Variants in ICA1L observed in about 807,000 individuals in gnomAD.
ICA1L encodes islet cell autoantigen 1 like.
In ICA1L, 50 loss-of-function variants were observed where a neutral mutation model predicts 61.3. That is an observed-to-expected ratio of 0.82 (90% CI 0.65 to 1.03). The LOEUF (loss-of-function observed/expected upper bound fraction) is 1.03. ICA1L is among the 50% of genes least tolerant of loss of function. ICA1L has a pLI of 0.00. For synonymous variants in ICA1L, 161 were observed against 191.3 expected, an observed-to-expected ratio of 0.84 and a Z score of 1.31; for missense variants, 508 against 556.7, an observed-to-expected ratio of 0.91 and a Z score of 0.88.
In ICA1L at chr2:202,819,827, A is replaced by G. The variant is rs775669878; in HGVS notation, c.432T>C (p.Asp144=). The G allele has an allele frequency of 1.5e-5, 25 of 1,614,114 alleles. No homozygotes were observed. Among genetic ancestry groups the G allele is most frequent in the Non-Finnish European group, 2.0e-5 (24 of 1,179,958 alleles). ...CCATCCGATTAATTGTCATCAAGGT[A>G]TCAGATACTGCCCTTTGACTGAATG... The part of the protein sequence containing the change: ...VATFSQRAVS[D]TLMTINRMEQ... The change falls in exon 5 of 13, where the codon GAT becomes GAC. Residue 144 remains aspartate (D), a synonymous_variant. Coordinates refer to ENST00000358299, the MANE Select transcript of ICA1L (RefSeq NM_001288622.3).
Position 202,814,727 on chromosome 2 carries a change from C to A in ICA1L, c.841G>T (p.Gly281Cys). 6.2e-7 allele frequency: 1 copy of A among 1,613,614 alleles called. No individual in the cohort carries two copies. The highest frequency in any genetic ancestry group is 8.5e-7 in the Non-Finnish European group (1 of 1,179,734). Residue 281 changes from glycine (G) to cysteine (C), a missense_variant, in exon 8 of 13, where the codon GGT (glycine) becomes TGT (cysteine). Gly to Cys is a radical substitution (Grantham distance 159). Transcript: ENST00000358299. ...SEDNKDEQIG[G>C]FLTEQLNKLV... ...TTATTGAGCTGTTCAGTAAGAAAACCGCCTATTTGTTCATCTTTATTGTCT... is the reference window on the plus strand; with the variant it reads ...TTATTGAGCTGTTCAGTAAGAAAACAGCCTATTTGTTCATCTTTATTGTCT...
At chr2:202,802,470 T>C (rs185188407) in intron 9 of ICA1L, among the ~76,000 whole-genome samples, 22 of 152,176 alleles carry the variant, frequency 1.4e-4, no homozygotes, top group Admixed American at 1.2e-3. Flanking sequence ...TTTCCAGAAC[T>C]AGTAAAAGGC....
At chr2:202,780,343 A>G (rs1692364106) in intron 12 of ICA1L, among the ~76,000 whole-genome samples, 2 of 152,184 alleles carry the variant, frequency 1.3e-5, no homozygotes, top group Non-Finnish European at 1.5e-5. Flanking sequence ...ATTTTACAGT[A>G]TGCATTTTAT....
intron 1 of ICA1L, chr2:202,870,827 T>A (rs1181464566): frequency 1.3e-5 from 2 of 152,268 alleles, no homozygotes; most frequent in Non-Finnish European, 2.9e-5. Flanking sequence ...CCACCCCCTC[T>A]ACTGGCAACG....
chr2:202,814,954 G>A (rs1693488789), intron 7 of ICA1L, among the ~76,000 whole-genome samples, 170 bp from the exon 8 acceptor site: 1 of 152,212 alleles, frequency 6.6e-6, no homozygotes, highest in Non-Finnish European at 1.5e-5. Flanking sequence ...GAGCTACTGA[G>A]CTTCATACAC....
In ICA1L at chr2:202,774,779, T is replaced by G. The variant is rs1227372264; in HGVS notation, c.*4754A>C. On this transcript the variant is annotated 3_prime_UTR_variant, in exon 13 of 13. Transcript: ENST00000358299. ...GGAAACTTGTGGCAGGGGCCACCCATATCACACTGGGCCAGGTGCTCACAG... is the reference window on the plus strand; with the variant it reads ...GGAAACTTGTGGCAGGGGCCACCCAGATCACACTGGGCCAGGTGCTCACAG... The G allele has an allele frequency of 6.5e-6, 1 of 153,824 alleles. No homozygotes were observed. Among genetic ancestry groups the G allele is most frequent in the Non-Finnish European group, 1.4e-5 (1 of 69,198 alleles). 9.5% of individuals were successfully genotyped at this position (153,824 alleles called of 1,614,324 possible). A position where few individuals can be genotyped will look rare whatever the true frequency, so the allele number is the denominator to read the frequency against.
At chr2:202,865,816 G>A (rs1027542467) in intron 1 of ICA1L, among the ~76,000 whole-genome samples, 1 of 152,032 alleles carries the variant, frequency 6.6e-6, no homozygotes, top group Non-Finnish European at 1.5e-5. Flanking sequence ...TGGTAGAGAT[G>A]GAGTCTCCCT....
intron 1 of ICA1L, 68 bp from the exon 2 acceptor site, chr2:202,829,084 C>G (rs1174327837): frequency 2.2e-6 from 3 of 1,344,708 alleles, no homozygotes; most frequent in Non-Finnish European, 3.0e-6. Flanking sequence ...CACGGTGGCT[C>G]ACGCCTGTAA....
rs545316439 is a variant in ICA1L, at chr2:202,776,378, T to C, written c.*3155A>G. 1.3e-5 allele frequency: 2 copies of C among 152,156 alleles called. No individual in the cohort carries two copies. The highest frequency in any genetic ancestry group is 2.9e-5 in the Non-Finnish European group (2 of 68,030). 9.4% of individuals were successfully genotyped at this position (152,156 alleles called of 1,614,324 possible). ...CATAAAGTATAGATATTTCTCCCCA[T>C]TTAACATAAAAAATATCTATTTTGA... On this transcript the variant is annotated 3_prime_UTR_variant, in exon 13 of 13. Coordinates refer to ENST00000358299, the MANE Select transcript of ICA1L (RefSeq NM_001288622.3).
rs546012070 is a variant in ICA1L at position 202,779,660 on chromosome 2, G to GA, written c.1334-13dup. ...GCCATTGTTGGGGGCTATTAAAAAA[G>GA]AAAAAAAATACATTAAAGAGATTCA... is the stretch of plus-strand genomic sequence containing the variant. On this transcript the variant is annotated splice_polypyrimidine_tract_variant and intron_variant, in intron 12 of 12. Coordinates refer to ENST00000358299, the MANE Select transcript of ICA1L (RefSeq NM_001288622.3). The GA allele has an allele frequency of 6.5e-5, 94 of 1,455,216 alleles. No homozygotes were observed. The highest frequency in any genetic ancestry group is 8.4e-5 in the South Asian group (7 of 83,280). The allele number at this position is 1,455,216 out of a possible 1,614,324, so 90.1% of individuals were successfully genotyped here.
intron 1 of ICA1L, among the ~76,000 whole-genome samples, chr2:202,846,910 C>T (rs1465107215): frequency 6.6e-6 from 1 of 152,178 alleles, no homozygotes; most frequent in Non-Finnish European, 1.5e-5. Flanking sequence ...TGTAAGGGAG[C>T]TGGTCTCCCC....
In ICA1L at chr2:202,829,027, C is replaced by A; in HGVS notation, c.-7-11G>T. 6.5e-7 allele frequency: 1 copy of A among 1,530,414 alleles called. No individual in the cohort carries two copies. Among genetic ancestry groups the A allele is most frequent in the South Asian group, 1.3e-5 (1 of 76,098 alleles). The allele number at this position is 1,530,414 out of a possible 1,614,324, so 94.8% of individuals were successfully genotyped here. On this transcript the variant is annotated splice_polypyrimidine_tract_variant and intron_variant, in intron 1 of 12. Transcript: ENST00000358299. ...GAATCCATGGAGTGACTACAATGAA[C>A]AGACTAAAATTAAACTTCTTTTAAA... is the stretch of plus-strand genomic sequence containing the variant.
rs139096806 is a variant in ICA1L, at chr2:202,811,747, T to G, written c.909A>C (p.Gln303His). The G allele has an allele frequency of 8.0e-4, 1,271 of 1,597,550 alleles. 10 individuals carry two copies. In the African/African-American group the frequency reaches 0.015, roughly 19 times the overall value. ...AAAGTAATAAATTTACCATCTTACC[T>G]TGTTCACTCTCAAAGCTTGCTTCCT... ...SDEEASFESE[Q>H]ANKDHNEKHS... The change falls in exon 9 of 13, where the codon CAA (glutamine) becomes CAC (histidine). Residue 303 changes from glutamine to histidine, a missense_variant and splice_region_variant. Transcript: ENST00000358299.
At chr2:202,841,374 G>A (rs996377537) in intron 1 of ICA1L, 24 of 892,508 alleles carry the variant, frequency 2.7e-5, no homozygotes, top group Admixed American at 1.5e-4. Context: ...CATGTTGTCC[G>A]TGTTGCTCTA....
In ICA1L at chr2:202,773,792, A is replaced by C. The variant is rs1490988247; in HGVS notation, c.*5741T>G. On this transcript the variant is annotated 3_prime_UTR_variant, in exon 13 of 13. Coordinates refer to ENST00000358299, the MANE Select transcript of ICA1L (RefSeq NM_001288622.3). ...AGAATACATACACCGGTATGGTAATAGGCAAGAGCAGGCTGTAAAAGCAAA... is the reference window on the plus strand; with the variant it reads ...AGAATACATACACCGGTATGGTAATCGGCAAGAGCAGGCTGTAAAAGCAAA... 2.4e-5 allele frequency: 34 copies of C among 1,390,106 alleles called. No homozygotes were observed. Among genetic ancestry groups the C allele is most frequent in the Non-Finnish European group, 3.4e-5 (33 of 978,992 alleles). 86.1% of individuals were successfully genotyped at this position (1,390,106 alleles called of 1,614,324 possible).
At chr2:202,833,883 G>A (rs561296862) in intron 1 of ICA1L, among the ~76,000 whole-genome samples, 217 of 152,246 alleles carry the variant, frequency 1.4e-3, no homozygotes, top group Non-Finnish European at 2.4e-3. Flanking sequence ...ACTAATAGAC[G>A]TAGAGAGTAG....
intron 3 of ICA1L, among the ~76,000 whole-genome samples, chr2:202,825,242 G>A (rs891429176): frequency 5.3e-5 from 8 of 152,216 alleles, no homozygotes; most frequent in Non-Finnish European, 1.0e-4. Flanking sequence ...GTTGAGGCAG[G>A]AGGATCACTT....
intron 1 of ICA1L, among the ~76,000 whole-genome samples, chr2:202,844,740 A>G (rs1201192752): frequency 1.3e-5 from 2 of 152,236 alleles, no homozygotes; most frequent in African/African-American, 4.8e-5. Flanking sequence ...ATAGGAGGAA[A>G]CGTCAAGAAT....
At chr2:202,853,749 A>C (rs1694695938) in intron 1 of ICA1L, among the ~76,000 whole-genome samples, 1 of 152,024 alleles carries the variant, frequency 6.6e-6, no homozygotes, top group Non-Finnish European at 1.5e-5. Flanking sequence ...AGACACGTGA[A>C]AGAAAAGAAT....
Sources: allele counts gnomAD v4.1 joint callset (sites outside exome capture counted in the v4.1 genomes callset), GRCh38; gene constraint gnomAD v4.1.1; transcripts MANE v1.5; gene names NCBI Gene and HGNC (gene_info 2026-07-23, HGNC 2026-07-21).